Variants in ITPR3 observed in about 807,000 individuals in gnomAD.
The protein encoded by ITPR3 is inositol 1,4,5-trisphosphate receptor type 3, also known as inositol 1,4,5-trisphosphate-gated calcium channel ITPR3.
In ITPR3, 173 loss-of-function variants were observed where a neutral mutation model predicts 293.2. The observed-to-expected ratio is 0.59, with a 90% CI of 0.52 to 0.67. The LOEUF (loss-of-function observed/expected upper bound fraction) is 0.67, where lower values mean the gene tolerates loss of function less well. Among genes scored for constraint, ITPR3 ranks in the 30% least tolerant of loss-of-function variants. The pLI is 0.00. For missense variants in ITPR3, 2,796 were observed against 3,592.1 expected (o/e 0.78, Z 5.66); for synonymous variants, 1,295 against 1,444.4 (o/e 0.90, Z 2.35).
In ITPR3 at chr6:33,688,448, G is replaced by C; in HGVS notation, c.6568+17G>C. On this transcript the variant is annotated intron_variant, in intron 48 of 57. Coordinates refer to ENST00000605930, the MANE Select transcript of ITPR3 (RefSeq NM_002224.4). ...AGCTCCGCAGTGAGGACCCACGGGC[G>C]GGAGGGTGGGGCGGTCTGGAGCTGT... 6.7e-7 allele frequency: 1 copy of C among 1,493,616 alleles called. No homozygotes were observed. The allele number at this position is 1,493,616 out of a possible 1,614,324, so 92.5% of individuals were successfully genotyped here.
chr6:33,667,961 C>T lies in ITPR3; in HGVS notation c.1883C>T (p.Pro628Leu), dbSNP rs368890268. The T allele has an allele frequency of 1.1e-5, 17 of 1,613,996 alleles. No individual in the cohort carries two copies. The highest frequency in any genetic ancestry group is 1.4e-5 in the Non-Finnish European group (17 of 1,180,020). ...AGCCTTGTGCGCAAGAACCGGGAGC[C>T]CAGGTGGGCCCGAACCCCCTCCCCG... ...FVSLVRKNRE[P>L]RFLDYLSDLC... Residue 628 changes from proline (P) to leucine (L), a missense_variant, in exon 16 of 58, where the codon CCC becomes CTC. Pro to Leu is a moderately conservative substitution (Grantham distance 98, BLOSUM62 -3). Transcript: ENST00000605930. The surrounding 1 kb of genome is among the most constrained non-coding windows in gnomAD (Gnocchi z 4.4).
intron 41 of ITPR3, 112 bp downstream of exon 41, chr6:33,685,939 T>C (rs2127308861): frequency 6.6e-7 from 1 of 1,518,078 alleles, no homozygotes; most frequent in East Asian, 2.3e-5. Context: ...TGGGCACTGC[T>C]GCTTTGTGGC....
rs9461894 is a variant in ITPR3, at chr6:33,633,705, T to C, written c.90-6779T>C. Among the ~76,000 whole-genome samples, 103,191 of 147,674 alleles carry C rather than the reference T, an allele frequency of 0.7. 36,326 individuals are homozygous for C. The highest frequency in any genetic ancestry group is 0.78 in the African/African-American group (31,782 of 40,936). ...CTCCCTTGGCGGCGGCGGCGCGTCG[T>C]GGGAGACGGCTGCACGTGGGACGGC... On this transcript the variant is annotated intron_variant, in intron 1 of 57. Transcript: ENST00000605930. The surrounding 1 kb of genome is among the most constrained non-coding windows in gnomAD (Gnocchi z 5.2).
At chr6:33,694,406 C>CCA (rs1765479614) in intron 56 of ITPR3, 3 of 172,710 alleles carry the variant, frequency 1.7e-5, no homozygotes, top group Admixed American at 1.3e-4. Flanking sequence ...TGCCCCCTCC[C>CCA]CCCCCGACTC....
chr6:33,675,745 C>G lies in ITPR3; in HGVS notation c.3171C>G (p.Arg1057=). 6.2e-7 allele frequency: 1 copy of G among 1,613,038 alleles called. No homozygotes were observed. The highest frequency in any genetic ancestry group is 8.5e-7 in the Non-Finnish European group (1 of 1,179,834). Residue 1057 remains arginine, a synonymous_variant, in exon 25 of 58, where the codon CGC becomes CGG. Coordinates refer to ENST00000605930, the MANE Select transcript of ITPR3 (RefSeq NM_002224.4). This position sits in a 1 kb window ranked among gnomAD's most constrained non-coding sequence, Gnocchi z 5.0. The part of the protein sequence containing the change: ...VDDEGGRMFL[R]VLIHLTMHDY... The stretch of plus-strand genomic sequence containing the variant: ...ACGAGGGCGGCCGCATGTTCCTGCG[C>G]GTGCTCATCCACCTCACCATGCACG...
In ITPR3 at chr6:33,663,815, T is replaced by C. The variant is rs1233103509; in HGVS notation, c.1083T>C (p.Asn361=). The C allele has an allele frequency of 1.9e-6, 3 of 1,613,520 alleles. No homozygotes were observed. Among genetic ancestry groups the C allele is most frequent in the Non-Finnish European group, 2.5e-6 (3 of 1,179,430 alleles). The part of the protein sequence containing the change: ...KYCLVAVPHG[N]DIASLFELDP... ...GCCTGGTGGCTGTGCCTCATGGCAA[T>C]GACATCGCCTCTCTCTTTGAGCTGG... The change falls in exon 11 of 58, where the codon AAT becomes AAC. Residue 361 remains asparagine, a synonymous_variant. Coordinates refer to ENST00000605930, the MANE Select transcript of ITPR3 (RefSeq NM_002224.4).
At position 33,655,918 on chromosome 6, in the gene ITPR3, G is replaced by C. The variant is rs1413951827; in HGVS notation, c.282+31G>C. 1 of 1,612,668 alleles carries C rather than the reference G, an allele frequency of 6.2e-7. No homozygotes were observed. The highest frequency in any genetic ancestry group is 8.5e-7 in the Non-Finnish European group (1 of 1,179,140). ...TGTGTGTGTGCAGGCGTGCATCTGTGCACATGTACCAGGAACCTGGGTACA... is the reference window on the plus strand; with the variant it reads ...TGTGTGTGTGCAGGCGTGCATCTGTCCACATGTACCAGGAACCTGGGTACA... On this transcript the variant is annotated intron_variant, in intron 3 of 57. Coordinates refer to ENST00000605930, the MANE Select transcript of ITPR3 (RefSeq NM_002224.4). This position sits in a 1 kb window ranked among gnomAD's most constrained non-coding sequence, Gnocchi z 4.9.
At chr6:33,628,212 A>G (rs1763593207) in intron 1 of ITPR3, among the ~76,000 whole-genome samples, 1 of 152,170 alleles carries the variant, frequency 6.6e-6, no homozygotes, top group African/African-American at 2.4e-5. Flanking sequence ...GTCCACCCCC[A>G]GCCCTGCTCT....
Position 33,675,649 on chromosome 6 carries a change from G to A in ITPR3, c.3117-42G>A, listed in dbSNP as rs747060231. 2.6e-6 allele frequency: 4 copies of A among 1,545,390 alleles called. No individual in the cohort carries two copies. The East Asian group carries it at 9.3e-5, about 36-fold the overall frequency. ...TTACCCACCACGGACAGCAGGGAGT[G>A]TGCCAGTCTCACCCATGCGCCCTGC... On this transcript the variant is annotated intron_variant, in intron 24 of 57. Coordinates refer to ENST00000605930, the MANE Select transcript of ITPR3 (RefSeq NM_002224.4). This position sits in a 1 kb window ranked among gnomAD's most constrained non-coding sequence, Gnocchi z 5.0.
At position 33,658,663 on chromosome 6, in the gene ITPR3, C is replaced by A. The variant is rs1308092356; in HGVS notation, c.370-7C>A. On this transcript the variant is annotated splice_polypyrimidine_tract_variant and splice_region_variant and intron_variant, in intron 4 of 57. Transcript: ENST00000605930. The surrounding 1 kb of genome is among the most constrained non-coding windows in gnomAD (Gnocchi z 6.1). ...GGTGACCTTCCCGCACCCCACCTGA[C>A]CCCCAGCTCCTGCACATGAAGAGCA... 6.2e-7 allele frequency: 1 copy of A among 1,613,672 alleles called. No homozygotes were observed.
chr6:33,627,622 A>G (rs4711332), intron 1 of ITPR3, among the ~76,000 whole-genome samples: 130,923 of 152,254 alleles, frequency 0.86, 56,376 homozygotes, highest in East Asian at 0.96. Context: ...CTCTCAGGTA[A>G]TACGTTCCCA....
intron 23 of ITPR3, 124 bp downstream of exon 23, chr6:33,673,844 C>A: frequency 1.8e-6 from 2 of 1,142,354 alleles, no homozygotes; most frequent in Non-Finnish European, 2.5e-6. Flanking sequence ...TTTCTTTCCA[C>A]TGTCTCATTT....
intron 28 of ITPR3, among the ~76,000 whole-genome samples, chr6:33,677,995 C>T (rs922694461): frequency 2.0e-5 from 3 of 152,126 alleles, no homozygotes; most frequent in African/African-American, 7.2e-5. Context: ...TGAACCCAAC[C>T]TCTCCTTGAC....
chr6:33,668,855 A>T, intron 17 of ITPR3, 119 bp from the exon 18 acceptor site: 1 of 1,213,992 alleles, frequency 8.2e-7, no homozygotes, highest in Non-Finnish European at 1.1e-6. Flanking sequence ...CTTGAGATGC[A>T]TATGGTCTCT....
Position 33,666,039 on chromosome 6 carries a change from C to CT in ITPR3, c.1551+64dup. On this transcript the variant is annotated intron_variant, in intron 14 of 57. Transcript: ENST00000605930. The surrounding 1 kb of genome is among the most constrained non-coding windows in gnomAD (Gnocchi z 5.1). Reference sequence around the variant, plus strand: ...GTGCCCGGGAGAGGGATGCCTTCAACTGCAGGCTCATCCCCCGCTTTAACA... The same window carrying CT: ...GTGCCCGGGAGAGGGATGCCTTCAACTTGCAGGCTCATCCCCCGCTTTAACA... The CT allele has an allele frequency of 6.6e-7, 1 of 1,525,816 alleles. No individual in the cohort carries two copies. The highest frequency in any genetic ancestry group is 8.9e-7 in the Non-Finnish European group (1 of 1,127,272). The allele number at this position is 1,525,816 out of a possible 1,614,324, so 94.5% of individuals were successfully genotyped here.
rs1372167468 is a variant in ITPR3, at chr6:33,654,654, G to T, written c.161-1112G>T. On this transcript the variant is annotated intron_variant, in intron 2 of 57. Coordinates refer to ENST00000605930, the MANE Select transcript of ITPR3 (RefSeq NM_002224.4). This position sits in a 1 kb window ranked among gnomAD's most constrained non-coding sequence, Gnocchi z 4.1. The stretch of plus-strand genomic sequence containing the variant: ...GTTTTGTTTCTGGGACCCTCGAGTG[G>T]CTCTCTCCTCTCCAGTCTCCCCACA... Among the ~76,000 whole-genome samples, 4 of 152,184 alleles carry T rather than the reference G, an allele frequency of 2.6e-5. No individual in the cohort carries two copies.
Position 33,633,949 on chromosome 6 carries a change from C to G in ITPR3, c.90-6535C>G, listed in dbSNP as rs1763754808. 6.6e-6 allele frequency among the ~76,000 whole-genome samples: 1 copy of G among 151,918 alleles called. No homozygotes were observed. The highest frequency in any genetic ancestry group is 1.5e-5 in the Non-Finnish European group (1 of 67,922). ...CACGCAGCGATGGGGAGGTCGCGGC[C>G]TCGCCCGGTGAGGCTCCCTCTCCAT... On this transcript the variant is annotated intron_variant, in intron 1 of 57. Transcript: ENST00000605930. The surrounding 1 kb of genome is among the most constrained non-coding windows in gnomAD (Gnocchi z 5.2).
At chr6:33,676,263 C>T (rs1323067655) in intron 25 of ITPR3, among the ~76,000 whole-genome samples, 1 of 152,228 alleles carries the variant, frequency 6.6e-6, no homozygotes, top group African/African-American at 2.4e-5. Context: ...GAGTACTGGA[C>T]TTGCATTATC....
Position 33,655,846 on chromosome 6 carries a change from A to G in ITPR3, c.241A>G (p.Lys81Glu), listed in dbSNP as rs148251650. 2 of 1,614,082 alleles carry G rather than the reference A, an allele frequency of 1.2e-6. No individual in the cohort carries two copies. The highest frequency in any genetic ancestry group is 1.3e-5 in the African/African-American group (1 of 75,034). The change falls in exon 3 of 58, where the codon AAG (lysine) becomes GAG (glutamate). Residue 81 changes from lysine to glutamate, a missense_variant. By Grantham distance (56) the Lys-to-Glu change is moderately conservative (BLOSUM62 1). Transcript: ENST00000605930. This position sits in a 1 kb window ranked among gnomAD's most constrained non-coding sequence, Gnocchi z 4.9. The part of the protein sequence containing the change: ...YWKAKQTKQD[K>E]EKIADVVLLQ... ...GAAGGCCAAGCAGACTAAGCAGGAC[A>G]AGGAGAAGATCGCTGATGTGGTGTT...
Sources: gnomAD v4.1 joint callset for allele counts (sites outside exome capture counted in the v4.1 genomes callset) on GRCh38, gnomAD v4.1.1 for gene constraint, Gnocchi (gnomAD v3.1) non-coding constraint, MANE v1.5 for transcripts, NCBI Gene and HGNC (gene_info 2026-07-23, HGNC 2026-07-21) for gene names.